Variants in LUZP2 observed in about 807,000 individuals in gnomAD.
LUZP2 encodes leucine zipper protein 2.
In LUZP2, 52 loss-of-function variants were observed where a neutral mutation model predicts 51.6. The observed-to-expected ratio is 1.01, with a 90% CI of 0.81 to 1.27. LUZP2 has a LOEUF of 1.27. Ranked by LOEUF, LUZP2 falls within the 50% of genes most tolerant of loss-of-function variation. The pLI, the probability that LUZP2 is intolerant of heterozygous loss-of-function variation, is 0.00. For missense variants in LUZP2, 436 were observed against 395.4 expected (o/e 1.10, Z -0.87); for synonymous variants, 154 against 137.3 (o/e 1.12, Z -0.85).
At chr11:24,640,958 TA>T (rs1855258033) in intron 1 of LUZP2, among the ~76,000 whole-genome samples, 250 of 1,492 alleles carry the variant, frequency 0.17, 4 homozygotes, top group African/African-American at 0.3. Context: ...TCTATATCTG[TA>T]TAGATATAGA....
intron 1 of LUZP2, among the ~76,000 whole-genome samples, chr11:24,542,611 A>G (rs946048120): frequency 3.9e-5 from 6 of 152,020 alleles, no homozygotes; most frequent in Admixed American, 1.3e-4. Context: ...ATAATCAATG[A>G]AACAAAATAA....
At chr11:24,672,948 T>C (rs575099881) in intron 1 of LUZP2, among the ~76,000 whole-genome samples, 3 of 152,296 alleles carry the variant, frequency 2.0e-5, no homozygotes, top group African/African-American at 7.2e-5. Context: ...AAATCAGCCG[T>C]GGCATTAGAT....
At chr11:24,668,838 T>C (rs909899544) in intron 1 of LUZP2, among the ~76,000 whole-genome samples, 32 of 152,310 alleles carry the variant, frequency 2.1e-4, no homozygotes, top group African/African-American at 6.5e-4. Context: ...AGGATCAAAG[T>C]GTGGCTTTAC....
chr11:24,605,474 A>C (rs2133875068), intron 1 of LUZP2, among the ~76,000 whole-genome samples: 1 of 151,816 alleles, frequency 6.6e-6, no homozygotes, highest in East Asian at 1.9e-4. Flanking sequence ...TGTGACAATA[A>C]AGTTATATAA....
At chr11:24,958,657 T>C (rs1253189557) in intron 7 of LUZP2, among the ~76,000 whole-genome samples, 3 of 152,126 alleles carry the variant, frequency 2.0e-5, no homozygotes, top group Non-Finnish European at 4.4e-5. Flanking sequence ...ATATTAGCCC[T>C]TTGTCAGATG....
chr11:24,746,018 G>C (rs938129884), intron 4 of LUZP2, among the ~76,000 whole-genome samples: 2 of 152,096 alleles, frequency 1.3e-5, no homozygotes, highest in African/African-American at 4.8e-5. Context: ...TTTAAGTGGA[G>C]CATTTAGGCC....
intron 1 of LUZP2, among the ~76,000 whole-genome samples, chr11:24,516,808 G>C (rs1414606747): frequency 6.6e-6 from 1 of 152,142 alleles, no homozygotes; most frequent in Non-Finnish European, 1.5e-5. Flanking sequence ...CAGTTTTCTA[G>C]GTTACAGCTG....
At chr11:24,540,941 CG>C (rs1422458016) in intron 1 of LUZP2, among the ~76,000 whole-genome samples, 2 of 151,858 alleles carry the variant, frequency 1.3e-5, no homozygotes, top group Non-Finnish European at 2.9e-5. Flanking sequence ...AAGATGTAAA[CG>C]TGACACTTTA....
chr11:24,743,245 T>G (rs760056578), intron 4 of LUZP2, among the ~76,000 whole-genome samples: 11 of 152,142 alleles, frequency 7.2e-5, no homozygotes, highest in Non-Finnish European at 1.2e-4. Context: ...GGTATTTTAA[T>G]GGGGATTGTG....
rs191133694 is a variant in LUZP2 at position 24,902,194 on chromosome 11, T to C, written c.397-3797T>C. On this transcript the variant is annotated intron_variant, in intron 5 of 11. Transcript: ENST00000336930. ...ACATGTTCAGGGGTACATGTGCAGG[T>C]TTTTTATAAAAATAAACTGGTAAAC... 2.1e-3 allele frequency among the ~76,000 whole-genome samples: 326 copies of C among 152,140 alleles called. 5 individuals carry two copies. The highest frequency in any genetic ancestry group is 7.3e-3 in the African/African-American group (304 of 41,508).
At chr11:24,604,092 T>G (rs1284357578) in intron 1 of LUZP2, among the ~76,000 whole-genome samples, 1 of 151,820 alleles carries the variant, frequency 6.6e-6, no homozygotes, top group Non-Finnish European at 1.5e-5. Flanking sequence ...TTTCCCTCCT[T>G]TAGGATCAAA....
At chr11:24,733,384 G>T (rs1235106671) in intron 3 of LUZP2, among the ~76,000 whole-genome samples, 1 of 151,778 alleles carries the variant, frequency 6.6e-6, no homozygotes, top group Non-Finnish European at 1.5e-5. Context: ...GCTCTGTGAA[G>T]TAGTGATAGA....
chr11:25,000,346 A>G (rs1856647342), intron 9 of LUZP2, among the ~76,000 whole-genome samples: 2 of 152,126 alleles, frequency 1.3e-5, no homozygotes, highest in African/African-American at 4.8e-5. Flanking sequence ...TGACTGCTCT[A>G]GCTACTTCCT....
In LUZP2 at chr11:24,738,204, G is replaced by C. The variant is rs1859013596; in HGVS notation, c.252-17G>C. ...TATATTATTTTCTCACTTATGCTCT[G>C]TTTTCTACTAAAATAGAGAAGAAAT... On this transcript the variant is annotated splice_polypyrimidine_tract_variant and intron_variant, in intron 3 of 11. Coordinates refer to ENST00000336930, the MANE Select transcript of LUZP2 (RefSeq NM_001009909.4). The C allele has an allele frequency of 6.5e-7, 1 of 1,532,204 alleles. No homozygotes were observed. Among genetic ancestry groups the C allele is most frequent in the Non-Finnish European group, 9.0e-7 (1 of 1,109,758 alleles). The allele number at this position is 1,532,204 out of a possible 1,614,324, so 94.9% of individuals were successfully genotyped here. A position where few individuals can be genotyped will look rare whatever the true frequency, so the allele number is the denominator to read the frequency against.
intron 7 of LUZP2, among the ~76,000 whole-genome samples, chr11:24,949,332 CTCTCTA>C (rs1442537593): frequency 1.8e-3 from 64 of 36,246 alleles, no homozygotes; most frequent in African/African-American, 7.2e-3. Context: ...ATCTATCTAT[CTCTCTA>C]TCTATCTATG....
At chr11:24,520,626 T>C (rs73429147) in intron 1 of LUZP2, among the ~76,000 whole-genome samples, 1 of 152,184 alleles carries the variant, frequency 6.6e-6, no homozygotes, top group Non-Finnish European at 1.5e-5. Context: ...ATTATCCTTT[T>C]TGGGGGCAGG....
chr11:24,871,060 A>T (rs61892070), intron 5 of LUZP2, among the ~76,000 whole-genome samples: 166 of 152,120 alleles, frequency 1.1e-3, no homozygotes, highest in Non-Finnish European at 2.2e-3. Context: ...GGAAGTGGTA[A>T]CTCTGAAGTA....
chr11:25,006,124 A>C (rs542304935), intron 9 of LUZP2, among the ~76,000 whole-genome samples: 1 of 152,102 alleles, frequency 6.6e-6, no homozygotes, highest in East Asian at 1.9e-4. Context: ...GCTTTGGGCA[A>C]AAATTATGTC....
chr11:25,025,745 G>C (rs1172196837), intron 9 of LUZP2, among the ~76,000 whole-genome samples: 1 of 152,160 alleles, frequency 6.6e-6, no homozygotes, highest in Admixed American at 6.6e-5. Context: ...CAATTCCTCA[G>C]GGATCTAGAA....
Sources: gnomAD v4.1 joint callset for allele counts (sites outside exome capture counted in the v4.1 genomes callset) on GRCh38, gnomAD v4.1.1 for gene constraint, MANE v1.5 for transcripts, NCBI Gene and HGNC (gene_info 2026-07-23, HGNC 2026-07-21) for gene names.